The following SMAD6 variants were observed in gnomAD, a reference collection of about 807,000 sequenced individuals.
SMAD6 encodes SMAD family member 6.
Under a neutral mutation model 39.4 loss-of-function variants are expected in SMAD6, and 103 were observed. The ratio of observed to expected loss-of-function variants is 2.62; its 90% CI spans 2.23 to 3.08. The LOEUF is 3.08. Among genes scored for constraint, SMAD6 ranks in the 30% most tolerant of loss-of-function variants. SMAD6 has a pLI of 0.00. For synonymous variants in SMAD6, 445 were observed against 353.3 expected (o/e 1.26, Z -2.91); for missense variants, 1,104 against 742.9 (o/e 1.49, Z -5.65).
chr15:66,703,868 G>GGCTGCGTGCTGGT lies in SMAD6; in HGVS notation c.613_625dup (p.Pro209LeufsTer98). On this transcript the variant is annotated frameshift_variant, in exon 1 of 4. Coordinates refer to ENST00000288840, the MANE Select transcript of SMAD6 (RefSeq NM_005585.5). LOFTEE classifies it high-confidence loss of function. Reference sequence around the variant, plus strand: ...GGAGTCCCGCGGCGGCGTGCCGGGCGGCTGCGTGCTGGTGCCGCGCGCCGA... The same window carrying GGCTGCGTGCTGGT: ...GGAGTCCCGCGGCGGCGTGCCGGGCGGCTGCGTGCTGGTGCTGCGTGCTGGTGCCGCGCGCCGA... 1 of 1,336,280 alleles carries GGCTGCGTGCTGGT rather than the reference G, an allele frequency of 7.5e-7. No homozygotes were observed. Among genetic ancestry groups the GGCTGCGTGCTGGT allele is most frequent in the Non-Finnish European group, 9.7e-7 (1 of 1,035,672 alleles). The allele number at this position is 1,336,280 out of a possible 1,614,324, so 82.8% of individuals were successfully genotyped here. A position where few individuals can be genotyped will look rare whatever the true frequency, so the allele number is the denominator to read the frequency against.
At chr15:66,731,421 G>C (rs1012471799) in intron 3 of SMAD6, among the ~76,000 whole-genome samples, 1 of 134,326 alleles carries the variant, frequency 7.4e-6, no homozygotes. Context: ...CTGGGCAACA[G>C]AGCGAGACTC....
intron 3 of SMAD6, among the ~76,000 whole-genome samples, chr15:66,768,397 A>C (rs1894326450): frequency 6.6e-6 from 1 of 152,210 alleles, no homozygotes; most frequent in Non-Finnish European, 1.5e-5. Flanking sequence ...CTTTGCAAAT[A>C]AGAAAACCAG....
At chr15:66,718,065 A>G (rs1230797511) in intron 3 of SMAD6, among the ~76,000 whole-genome samples, 5 of 149,366 alleles carry the variant, frequency 3.3e-5, no homozygotes, top group African/African-American at 1.3e-4. Context: ...ACAGATGGGT[A>G]ATTTTTTGGC....
intron 3 of SMAD6, among the ~76,000 whole-genome samples, chr15:66,761,286 G>A (rs1050662417): frequency 2.6e-5 from 4 of 152,182 alleles, no homozygotes; most frequent in African/African-American, 9.7e-5. Flanking sequence ...GGTTGCGAAC[G>A]GGTGTGCAGA....
At chr15:66,770,364 G>A (rs947682507) in intron 3 of SMAD6, among the ~76,000 whole-genome samples, 6 of 152,212 alleles carry the variant, frequency 3.9e-5, no homozygotes, top group Non-Finnish European at 7.4e-5. Context: ...ATGTAAGGCC[G>A]GTGCGGGCAC....
At chr15:66,711,216 C>G (rs907540229) in intron 1 of SMAD6, among the ~76,000 whole-genome samples, 1 of 152,158 alleles carries the variant, frequency 6.6e-6, no homozygotes, top group African/African-American at 2.4e-5. Flanking sequence ...AACTGAGCAT[C>G]CGGTATTTTA....
At chr15:66,766,325 G>A (rs373351864) in intron 3 of SMAD6, among the ~76,000 whole-genome samples, 3 of 152,188 alleles carry the variant, frequency 2.0e-5, no homozygotes, top group Non-Finnish European at 4.4e-5. Flanking sequence ...TAGAAGTTGA[G>A]CACCGTCCAG....
chr15:66,743,731 A>G (rs1893856694), intron 3 of SMAD6, among the ~76,000 whole-genome samples: 1 of 152,180 alleles, frequency 6.6e-6, no homozygotes, highest in Non-Finnish European at 1.5e-5. Flanking sequence ...TTTTCCTGTC[A>G]TCCTTTTTCT....
intron 3 of SMAD6, among the ~76,000 whole-genome samples, chr15:66,752,645 T>C (rs1399961388): frequency 1.3e-5 from 2 of 151,882 alleles, no homozygotes; most frequent in Non-Finnish European, 2.9e-5. Context: ...TAATTAAAAA[T>C]TAGCTGGGCG....
At chr15:66,743,359 C>T (rs1893849015) in intron 3 of SMAD6, among the ~76,000 whole-genome samples, 1 of 152,048 alleles carries the variant, frequency 6.6e-6, no homozygotes, top group Non-Finnish European at 1.5e-5. Context: ...GGAGGGCCCT[C>T]TGGGCTGGCA....
chr15:66,766,160 A>C (rs1221942231), intron 3 of SMAD6, among the ~76,000 whole-genome samples: 1 of 152,172 alleles, frequency 6.6e-6, no homozygotes, highest in Non-Finnish European at 1.5e-5. Context: ...AGACGCTGGC[A>C]GCCTGCAGGG....
Position 66,703,282 on chromosome 15 carries a change from GC to G in SMAD6, c.25del (p.Leu9TrpfsTer55). 1 of 1,490,490 alleles carries G rather than the reference GC, an allele frequency of 6.7e-7. No individual in the cohort carries two copies. The highest frequency in any genetic ancestry group is 1.3e-5 in the South Asian group (1 of 78,162). The allele number at this position is 1,490,490 out of a possible 1,614,324, so 92.3% of individuals were successfully genotyped here. On this transcript the variant is annotated frameshift_variant, in exon 1 of 4. Coordinates refer to ENST00000288840, the MANE Select transcript of SMAD6 (RefSeq NM_005585.5). LOFTEE classifies it high-confidence loss of function. MFRSKRSG[L>X]VRRLWRSRVV... ...GTATGTTCAGGTCCAAACGCTCGGG[GC>G]TGGTGCGGCGACTTTGGCGAAGTCG...
intron 3 of SMAD6, among the ~76,000 whole-genome samples, chr15:66,777,174 C>T (rs1325437085): frequency 2.0e-5 from 3 of 152,286 alleles, no homozygotes; most frequent in Non-Finnish European, 2.9e-5. Context: ...CGAGCTCTGA[C>T]GCCCTGGGAC....
At chr15:66,732,934 G>A (rs1348642164) in intron 3 of SMAD6, among the ~76,000 whole-genome samples, 1 of 151,740 alleles carries the variant, frequency 6.6e-6, no homozygotes, top group African/African-American at 2.4e-5. Flanking sequence ...TCTTCTAGAA[G>A]TTTTATAGTT....
chr15:66,705,056 G>A (rs1893081735), intron 1 of SMAD6: 1 of 152,472 alleles, frequency 6.6e-6, no homozygotes, highest in Non-Finnish European at 1.5e-5. Flanking sequence ...AGCTGGCACT[G>A]GGGTTTTGCA....
chr15:66,721,249 G>A (rs1265441998), intron 3 of SMAD6, among the ~76,000 whole-genome samples: 2 of 152,154 alleles, frequency 1.3e-5, no homozygotes, highest in African/African-American at 4.8e-5. Context: ...GGTAGCACCT[G>A]TGCCTGCCGT....
intron 2 of SMAD6, among the ~76,000 whole-genome samples, chr15:66,715,899 A>G (rs2140603419): frequency 6.6e-6 from 1 of 152,142 alleles, no homozygotes; most frequent in South Asian, 2.1e-4. Flanking sequence ...CAAATGCTTG[A>G]GCCCTTAATT....
At chr15:66,767,790 C>T (rs1894312907) in intron 3 of SMAD6, among the ~76,000 whole-genome samples, 1 of 152,136 alleles carries the variant, frequency 6.6e-6, no homozygotes, top group Non-Finnish European at 1.5e-5. Context: ...AGGCAATCCT[C>T]ACTTTAAGAA....
At position 66,703,161 on chromosome 15, in the gene SMAD6, TG is replaced by T; in HGVS notation, c.-94del. Reference sequence around the variant, plus strand: ...CGGCGCTCCGCGGCGGAGCTTCATGTGGGGCTGCGACCCGCGCAGCCGGCGC... The same window carrying T: ...CGGCGCTCCGCGGCGGAGCTTCATGTGGGCTGCGACCCGCGCAGCCGGCGC... On this transcript the variant is annotated 5_prime_UTR_variant, in exon 1 of 4. It removes the in-frame stop codon of an upstream open reading frame in the 5' UTR. Coordinates refer to ENST00000288840, the MANE Select transcript of SMAD6 (RefSeq NM_005585.5). 2.2e-6 allele frequency: 2 copies of T among 889,792 alleles called. No homozygotes were observed. Among genetic ancestry groups the T allele is most frequent in the Non-Finnish European group, 3.1e-6 (2 of 647,168 alleles). The allele number at this position is 889,792 out of a possible 1,614,324, so 55.1% of individuals were successfully genotyped here. A position where few individuals can be genotyped will look rare whatever the true frequency, so the allele number is the denominator to read the frequency against.
Sources: allele counts gnomAD v4.1 joint callset (sites outside exome capture counted in the v4.1 genomes callset), GRCh38; gene constraint gnomAD v4.1.1; transcripts MANE v1.5; gene names NCBI Gene and HGNC (gene_info 2026-07-23, HGNC 2026-07-21).